Variants in LMO7 observed in about 807,000 individuals in gnomAD.
The protein encoded by LMO7 is LIM domain 7, also known as LIM domain only protein 7.
A neutral mutation model predicts 206.5 loss-of-function variants in LMO7; 120 were observed. That is an observed-to-expected ratio of 0.58 (90% CI 0.50 to 0.68). The LOEUF (loss-of-function observed/expected upper bound fraction) is 0.68. Among genes scored for constraint, LMO7 ranks in the 30% least tolerant of loss-of-function variants. The pLI, the probability that LMO7 is intolerant of heterozygous loss-of-function variation, is 0.00. For missense variants in LMO7, 1,959 were observed against 1,957.9 expected (o/e 1.00, Z -0.01); for synonymous variants, 706 against 681.5 (o/e 1.04, Z -0.56).
intron 11 of LMO7, among the ~76,000 whole-genome samples, chr13:75,810,762 A>T (rs2056270050): frequency 6.6e-6 from 1 of 152,216 alleles, no homozygotes; most frequent in African/African-American, 2.4e-5. Flanking sequence ...ATGTGGTGGA[A>T]ATGTCAACAT....
chr13:75,801,119 G>A (rs182286514), intron 7 of LMO7, among the ~76,000 whole-genome samples: 9 of 151,712 alleles, frequency 5.9e-5, no homozygotes, highest in Admixed American at 2.6e-4. Context: ...GTTAATTGTG[G>A]CCTGTTTTAT....
intron 2 of LMO7, among the ~76,000 whole-genome samples, chr13:75,714,648 A>G (rs2043378307): frequency 6.6e-6 from 1 of 152,216 alleles, no homozygotes; most frequent in Admixed American, 6.5e-5. Context: ...CCAATGTCAC[A>G]TTCATTGGAA....
intron 6 of LMO7, among the ~76,000 whole-genome samples, chr13:75,798,840 A>G (rs1220606670): frequency 1.3e-5 from 2 of 152,242 alleles, no homozygotes; most frequent in Non-Finnish European, 2.9e-5. Context: ...ACCAGGGCCA[A>G]AGGTTATTTT....
At chr13:75,629,839 G>C (rs1041642855) in intron 2 of LMO7, among the ~76,000 whole-genome samples, 1 of 152,154 alleles carries the variant, frequency 6.6e-6, no homozygotes, top group African/African-American at 2.4e-5. Flanking sequence ...GTTGGCATGA[G>C]AGACCAAAAA....
intron 11 of LMO7, among the ~76,000 whole-genome samples, chr13:75,813,893 T>A (rs2056712321): frequency 6.6e-6 from 1 of 152,220 alleles, no homozygotes; most frequent in Admixed American, 6.5e-5. Flanking sequence ...GTTTATGTAA[T>A]CTCATGTGTT....
chr13:75,792,049 C>G (rs1044601651), intron 4 of LMO7, among the ~76,000 whole-genome samples: 1 of 152,012 alleles, frequency 6.6e-6, no homozygotes, highest in African/African-American at 2.4e-5. Flanking sequence ...GTCACTGCAG[C>G]CTTGAATTCC....
chr13:75,848,371 C>T (rs973046166), intron 26 of LMO7, among the ~76,000 whole-genome samples: 1 of 152,168 alleles, frequency 6.6e-6, no homozygotes, highest in Non-Finnish European at 1.5e-5. Flanking sequence ...CAATCTCATC[C>T]AGGTTGCTGC....
chr13:75,727,856 T>A (rs1378422126), intron 3 of LMO7, among the ~76,000 whole-genome samples: 4 of 150,130 alleles, frequency 2.7e-5, no homozygotes, highest in African/African-American at 9.8e-5. Flanking sequence ...ATTCCCACCT[T>A]TGAGTGAGAA....
intron 4 of LMO7, among the ~76,000 whole-genome samples, chr13:75,777,680 C>T (rs182603623): frequency 8.6e-5 from 12 of 139,176 alleles, no homozygotes; most frequent in African/African-American, 3.2e-4. Flanking sequence ...GAGTCTCGCT[C>T]TGTCACCCAG....
At chr13:75,703,549 AG>A (rs2042430153) in intron 1 of LMO7, among the ~76,000 whole-genome samples, 1 of 152,184 alleles carries the variant, frequency 6.6e-6, no homozygotes, top group South Asian at 2.1e-4. Flanking sequence ...GCTACCACAT[AG>A]GGTTGCTACA....
At chr13:75,746,478 G>A (rs754564434) in intron 3 of LMO7, among the ~76,000 whole-genome samples, 26 of 152,282 alleles carry the variant, frequency 1.7e-4, no homozygotes, top group Non-Finnish European at 2.8e-4. Flanking sequence ...AGAGGTGGTG[G>A]AATGGCCTGC....
At chr13:75,752,712 C>T (rs184677263) in intron 3 of LMO7, among the ~76,000 whole-genome samples, 17 of 152,264 alleles carry the variant, frequency 1.1e-4, no homozygotes, top group African/African-American at 2.6e-4. Context: ...TGAGTTGTTT[C>T]GCTTAAGATA....
chr13:75,693,752 G>A (rs928279984), intron 1 of LMO7, among the ~76,000 whole-genome samples: 3 of 152,156 alleles, frequency 2.0e-5, no homozygotes, highest in African/African-American at 7.2e-5. Context: ...TCTTGTTTCT[G>A]CATGTGGCCG....
rs1257099853 is a variant in LMO7 at position 75,858,162 on chromosome 13, G to T, written c.*219G>T. On this transcript the variant is annotated 3_prime_UTR_variant, in exon 31 of 31. Transcript: ENST00000377534. ...GTAATTGTGTGTGGGGAAAAGTGCA[G>T]TATTTACCTGTTGAATTCAGCATCT... 7.1e-6 allele frequency: 3 copies of T among 421,726 alleles called. No individual in the cohort carries two copies. Among genetic ancestry groups the T allele is most frequent in the South Asian group, 6.5e-5 (1 of 15,464 alleles). The allele number at this position is 421,726 out of a possible 1,614,324, so 26.1% of individuals were successfully genotyped here.
intron 28 of LMO7, among the ~76,000 whole-genome samples, chr13:75,854,326 G>GTA (rs2060745097): frequency 6.6e-6 from 1 of 152,168 alleles, no homozygotes; most frequent in Non-Finnish European, 1.5e-5. Flanking sequence ...ACAGGTACTA[G>GTA]TATATAAAGT....
At chr13:75,727,183 A>G (rs1365600919) in intron 3 of LMO7, 85 bp downstream of exon 3, 15 of 767,618 alleles carry the variant, frequency 2.0e-5, no homozygotes, top group South Asian at 1.2e-4. Flanking sequence ...TGTATCTGCA[A>G]TTACCACTGA....
upstream of LMO7, among the ~76,000 whole-genome samples, chr13:75,635,067 A>G (rs1319412584): frequency 2.0e-5 from 3 of 152,192 alleles, no homozygotes; most frequent in Non-Finnish European, 4.4e-5. Flanking sequence ...AATACAATTT[A>G]AAAAATTAAA....
upstream of LMO7, among the ~76,000 whole-genome samples, chr13:75,634,877 G>A (rs1288872370): frequency 6.6e-6 from 1 of 151,820 alleles, no homozygotes; most frequent in Admixed American, 6.6e-5. Flanking sequence ...ATGGTGGTGG[G>A]CGCCTGTAAT....
intron 2 of LMO7, among the ~76,000 whole-genome samples, chr13:75,717,904 C>G (rs1669514342): frequency 6.6e-6 from 1 of 152,208 alleles, no homozygotes; most frequent in South Asian, 2.1e-4. Flanking sequence ...AGCATGCCAA[C>G]ACTATTAACC....
Sources: allele counts gnomAD v4.1 joint callset (sites outside exome capture counted in the v4.1 genomes callset), GRCh38; gene constraint gnomAD v4.1.1; transcripts MANE v1.5; gene names NCBI Gene and HGNC (gene_info 2026-07-23, HGNC 2026-07-21).